Variants in ARMH3 observed in about 807,000 individuals in gnomAD.
ARMH3 encodes the protein armadillo like helical domain containing 3.
In ARMH3, 60 loss-of-function variants were observed where a neutral mutation model predicts 99.1. The ratio of observed to expected loss-of-function variants is 0.61; its 90% CI spans 0.49 to 0.75. The LOEUF is 0.75. Ranked by LOEUF, ARMH3 falls within the 30% of genes least tolerant of loss-of-function variation. The probability of loss-of-function intolerance (pLI) is 0.00; values close to 1 mark genes in which losing one functional copy is unlikely to be tolerated. For missense variants in ARMH3, 679 were observed against 843.1 expected (o/e 0.81, Z 2.41); for synonymous variants, 285 against 292.8 (o/e 0.97, Z 0.27).
intron 23 of ARMH3, among the ~76,000 whole-genome samples, chr10:101,928,694 A>G (rs1843600740): frequency 6.6e-6 from 1 of 152,190 alleles, no homozygotes; most frequent in South Asian, 2.1e-4. Flanking sequence ...CAAACAAAAA[A>G]TACAATACAA....
At chr10:101,873,667 A>G (rs2067191422) in intron 24 of ARMH3, among the ~76,000 whole-genome samples, 1 of 152,178 alleles carries the variant, frequency 6.6e-6, no homozygotes, top group African/African-American at 2.4e-5. Context: ...CTGTAGCCCA[A>G]GCAACCACTA....
At chr10:101,930,417 A>C (rs933808094) in intron 23 of ARMH3, among the ~76,000 whole-genome samples, 2 of 152,012 alleles carry the variant, frequency 1.3e-5, no homozygotes, top group South Asian at 4.2e-4. Context: ...AAGTAATAGC[A>C]GTTTTGCCAT....
intron 14 of ARMH3, among the ~76,000 whole-genome samples, chr10:102,002,743 C>T (rs1365135646): frequency 2.0e-5 from 3 of 152,078 alleles, no homozygotes; most frequent in East Asian, 3.9e-4. Context: ...GGCACATCAC[C>T]TAAGGTCAGG....
chr10:101,849,674 CT>C (rs1435499215), intron 25 of ARMH3, 101 bp downstream of exon 25: 1 of 967,164 alleles, frequency 1.0e-6, no homozygotes, highest in Non-Finnish European at 1.6e-6. Flanking sequence ...CAGCAGACCC[CT>C]CAAGTCTTGT....
At chr10:101,980,361 T>C (rs2135948350) in intron 19 of ARMH3, among the ~76,000 whole-genome samples, 1 of 152,080 alleles carries the variant, frequency 6.6e-6, no homozygotes, top group East Asian at 1.9e-4. Context: ...TGCAGTGGCA[T>C]GATCTCGGCT....
At chr10:101,958,228 C>T (rs552091645) in intron 20 of ARMH3, among the ~76,000 whole-genome samples, 6 of 152,250 alleles carry the variant, frequency 3.9e-5, no homozygotes, top group Admixed American at 3.3e-4. Flanking sequence ...GTATGTACTC[C>T]TCTAGATGAG....
intron 20 of ARMH3, among the ~76,000 whole-genome samples, chr10:101,966,131 C>CTCA (rs1845527089): frequency 7.8e-6 from 1 of 128,656 alleles, no homozygotes; most frequent in Admixed American, 8.6e-5. Flanking sequence ...TAGACAGAGT[C>CTCA]TCACTCTGTC....
intron 22 of ARMH3, among the ~76,000 whole-genome samples, chr10:101,950,948 A>G (rs1468721762): frequency 3.3e-5 from 5 of 152,230 alleles, no homozygotes; most frequent in African/African-American, 1.2e-4. Flanking sequence ...ATTATAAGGT[A>G]GGTGAATTAT....
intron 23 of ARMH3, among the ~76,000 whole-genome samples, chr10:101,924,112 C>A (rs947936378): frequency 6.6e-6 from 1 of 151,994 alleles, no homozygotes; most frequent in African/African-American, 2.4e-5. Context: ...TACAAAGCTG[C>A]AAAAGATAAC....
chr10:102,006,730 A>G (rs1300501406), intron 13 of ARMH3, 97 bp from the exon 14 acceptor site: 6 of 1,192,728 alleles, frequency 5.0e-6, no homozygotes, highest in South Asian at 1.4e-5. Flanking sequence ...TCTGGACCTT[A>G]TAATTTTTTT....
At chr10:101,923,300 A>C (rs1843374520) in intron 23 of ARMH3, among the ~76,000 whole-genome samples, 1 of 152,242 alleles carries the variant, frequency 6.6e-6, no homozygotes, top group Non-Finnish European at 1.5e-5. Flanking sequence ...GGCTGATAGC[A>C]CAGTAAAATG....
At chr10:101,999,471 TGTGAG>T (rs2066298698) in intron 15 of ARMH3, among the ~76,000 whole-genome samples, 1 of 151,994 alleles carries the variant, frequency 6.6e-6, no homozygotes, top group Non-Finnish European at 1.5e-5. Flanking sequence ...GGATTACAGG[TGTGAG>T]CCACAGCGCC....
intron 5 of ARMH3, among the ~76,000 whole-genome samples, chr10:102,025,679 C>G (rs2066985089): frequency 6.6e-6 from 1 of 152,078 alleles, no homozygotes; most frequent in Non-Finnish European, 1.5e-5. Flanking sequence ...CAGAGTCTCA[C>G]TCTGTCTGTC....
intron 20 of ARMH3, among the ~76,000 whole-genome samples, chr10:101,959,709 G>A (rs1845193582): frequency 6.6e-6 from 1 of 152,226 alleles, no homozygotes; most frequent in Admixed American, 6.5e-5. Context: ...TCTGGCACGG[G>A]CAACCTGTGT....
At chr10:101,948,595 A>G (rs1003011300) in intron 22 of ARMH3, among the ~76,000 whole-genome samples, 12 of 152,242 alleles carry the variant, frequency 7.9e-5, no homozygotes, top group African/African-American at 2.4e-4. Context: ...CAGAGCTACA[A>G]AACACATGAA....
intron 20 of ARMH3, among the ~76,000 whole-genome samples, chr10:101,966,957 G>C (rs528498284): frequency 6.6e-6 from 1 of 151,894 alleles, no homozygotes; most frequent in East Asian, 1.9e-4. Flanking sequence ...ATTTAAATAA[G>C]ATTAAAAACA....
chr10:102,017,182 G>T (rs78771842), intron 8 of ARMH3, among the ~76,000 whole-genome samples: 7,452 of 152,158 alleles, frequency 0.049, 195 homozygotes, highest in Middle Eastern at 0.095. Context: ...ACCAGCTTTG[G>T]TTTTGCTGTG....
At chr10:101,943,781 G>A (rs1306981495) in intron 22 of ARMH3, among the ~76,000 whole-genome samples, 1 of 152,000 alleles carries the variant, frequency 6.6e-6, no homozygotes, top group Non-Finnish European at 1.5e-5. Context: ...ATAGCAATTA[G>A]AGGCCAGGCA....
chr10:101,866,244 A>C (rs1267231315), intron 24 of ARMH3, among the ~76,000 whole-genome samples: 1 of 151,924 alleles, frequency 6.6e-6, no homozygotes, highest in Non-Finnish European at 1.5e-5. Context: ...AAAAAAAGCT[A>C]TCTTTCGCAG....
Sources: allele counts gnomAD v4.1 joint callset (sites outside exome capture counted in the v4.1 genomes callset), GRCh38; gene constraint gnomAD v4.1.1; transcripts MANE v1.5; gene names NCBI Gene and HGNC (gene_info 2026-07-23, HGNC 2026-07-21).